SLC6A19: variants seen among roughly 807,000 people sequenced by gnomAD.
SLC6A19 encodes sodium-dependent neutral amino acid transporter B(0)AT1.
Under a neutral mutation model 68.3 loss-of-function variants are expected in SLC6A19, and 67 were observed. The ratio of observed to expected loss-of-function variants is 0.98; its 90% CI spans 0.81 to 1.20. SLC6A19 has a LOEUF of 1.20. SLC6A19 is among the 50% of genes most tolerant of loss of function. The probability of loss-of-function intolerance (pLI) is 0.00; values close to 1 mark genes in which losing one functional copy is unlikely to be tolerated. For missense variants in SLC6A19, 813 were observed against 851.6 expected (o/e 0.95, Z 0.56); for synonymous variants, 392 against 374.9 (o/e 1.05, Z -0.53).
rs560501791 is a variant in SLC6A19, at chr5:1,214,318, C to T, written c.887+253C>T. Among the ~76,000 whole-genome samples the T allele has an allele frequency of 9.9e-5, 15 of 152,268 alleles. No homozygotes were observed. The East Asian group carries it at 1.9e-3, about 20-fold the overall frequency. On this transcript the variant is annotated intron_variant, in intron 6 of 11. Coordinates refer to ENST00000304460, the MANE Select transcript of SLC6A19 (RefSeq NM_001003841.3). This position sits in a 1 kb window ranked among gnomAD's most constrained non-coding sequence, Gnocchi z 7.4. ...AGCTTTCCCCACACCCGTCCCTCCACGAGCCTGGTGCAGACCCCTCCTGTG... is the reference window on the plus strand; with the variant it reads ...AGCTTTCCCCACACCCGTCCCTCCATGAGCCTGGTGCAGACCCCTCCTGTG...
At chr5:1,207,540 C>T (rs937411383) in intron 1 of SLC6A19, among the ~76,000 whole-genome samples, 3 of 152,210 alleles carry the variant, frequency 2.0e-5, no homozygotes, top group African/African-American at 7.2e-5. Flanking sequence ...GTGTGAAATC[C>T]TTCTAAGCAT....
At position 1,214,192 on chromosome 5, in the gene SLC6A19, C is replaced by G. The variant is rs141038539; in HGVS notation, c.887+127C>G. On this transcript the variant is annotated intron_variant, in intron 6 of 11. Coordinates refer to ENST00000304460, the MANE Select transcript of SLC6A19 (RefSeq NM_001003841.3). This position sits in a 1 kb window ranked among gnomAD's most constrained non-coding sequence, Gnocchi z 7.4. ...CGGGGCCTTGCTGCCCCGATGGGCC[C>G]GTTCCCTCCTGCTCGGGGTCCATGT... 1.5e-5 allele frequency: 22 copies of G among 1,515,522 alleles called. No homozygotes were observed. Among genetic ancestry groups the G allele is most frequent in the Admixed American group, 2.0e-5 (1 of 50,064 alleles). The allele number at this position is 1,515,522 out of a possible 1,614,324, so 93.9% of individuals were successfully genotyped here. A position where few individuals can be genotyped will look rare whatever the true frequency, so the allele number is the denominator to read the frequency against.
rs1301659777 is a variant in SLC6A19, at chr5:1,221,804, T to C, written c.1805T>C (p.Ile602Thr). The change falls in exon 12 of 12, where the codon ATC (isoleucine) becomes ACC (threonine). Residue 602 changes from isoleucine to threonine, a missense_variant. Coordinates refer to ENST00000304460, the MANE Select transcript of SLC6A19 (RefSeq NM_001003841.3). Reference protein sequence around the residue: ...VPSLTIPGYAIYKLIRNHCQK... With the variant: ...VPSLTIPGYATYKLIRNHCQK... Reference sequence around the variant, plus strand: ...TCCCTCACCATCCCTGGCTATGCCATCTACAAGCTCATCAGGAACCACTGC... The same window carrying C: ...TCCCTCACCATCCCTGGCTATGCCACCTACAAGCTCATCAGGAACCACTGC... The C allele has an allele frequency of 1.2e-6, 2 of 1,614,198 alleles. No homozygotes were observed. Among genetic ancestry groups the C allele is most frequent in the Admixed American group, 3.3e-5 (2 of 60,022 alleles).
chr5:1,219,182 A>AG, intron 9 of SLC6A19, 75 bp downstream of exon 9: 1 of 1,390,104 alleles, frequency 7.2e-7, no homozygotes, highest in South Asian at 1.2e-5. Context: ...CTGTGTGAAC[A>AG]GCTCTGTCCC....
chr5:1,211,236 T>C (rs543272501), intron 3 of SLC6A19, among the ~76,000 whole-genome samples: 1 of 152,342 alleles, frequency 6.6e-6, no homozygotes, highest in African/African-American at 2.4e-5. Context: ...CCTCCCACGA[T>C]ACGTGCAACC....
In SLC6A19 at chr5:1,222,348, A is replaced by T; in HGVS notation, c.*444A>T. ...TATGTGTGAACACACACGTGTATAC[A>T]TGCATGCACATGTGCTCGTACAATG... On this transcript the variant is annotated 3_prime_UTR_variant, in exon 12 of 12. Transcript: ENST00000304460. The T allele has an allele frequency of 2.1e-6, 1 of 482,852 alleles. No individual in the cohort carries two copies. Among genetic ancestry groups the T allele is most frequent in the Non-Finnish European group, 3.6e-6 (1 of 276,494 alleles). The allele number at this position is 482,852 out of a possible 1,614,324, so 29.9% of individuals were successfully genotyped here. A position where few individuals can be genotyped will look rare whatever the true frequency, so the allele number is the denominator to read the frequency against.
At chr5:1,210,403 G>C (rs1482639527) in intron 2 of SLC6A19, 41 bp from the exon 3 acceptor site, 5 of 1,609,824 alleles carry the variant, frequency 3.1e-6, no homozygotes, top group Non-Finnish European at 4.2e-6. Flanking sequence ...CCAGTGGAGG[G>C]TGTGCCTCGG....
rs1396744846 is a variant in SLC6A19 at position 1,222,418 on chromosome 5, C to T, written c.*514C>T. On this transcript the variant is annotated 3_prime_UTR_variant, in exon 12 of 12. Transcript: ENST00000304460. ...ATATGTATATCTGTGAGTGTATATACATGCATGCAATTGTGTGTATGTGTG... is the reference window on the plus strand; with the variant it reads ...ATATGTATATCTGTGAGTGTATATATATGCATGCAATTGTGTGTATGTGTG... The T allele has an allele frequency of 2.2e-6, 1 of 446,784 alleles. No homozygotes were observed. Among genetic ancestry groups the T allele is most frequent in the African/African-American group, 2.0e-5 (1 of 51,180 alleles). The allele number at this position is 446,784 out of a possible 1,614,324, so 27.7% of individuals were successfully genotyped here.
Position 1,222,242 on chromosome 5 carries a change from A to C in SLC6A19, c.*338A>C. On this transcript the variant is annotated 3_prime_UTR_variant, in exon 12 of 12. Transcript: ENST00000304460. ...TGTGTGAGTGTGCAAGTGTGCATGC[A>C]TATACATGTGTGCGATATTTGCTGC... The C allele has an allele frequency of 1.7e-6, 1 of 574,678 alleles. No individual in the cohort carries two copies. 35.6% of individuals were successfully genotyped at this position (574,678 alleles called of 1,614,324 possible).
chr5:1,221,017 G>T, intron 10 of SLC6A19, 134 bp from the exon 11 acceptor site: 1 of 1,092,416 alleles, frequency 9.2e-7, no homozygotes, highest in Non-Finnish European at 1.3e-6. Flanking sequence ...CCAGGAGGGA[G>T]GGATCGGGCC....
intron 10 of SLC6A19, 71 bp downstream of exon 10, chr5:1,219,735 G>A: frequency 1.3e-6 from 2 of 1,592,636 alleles, no homozygotes; most frequent in South Asian, 1.1e-5. Context: ...CTGTGAGGGA[G>A]GACCCGGGCT....
In SLC6A19 at chr5:1,214,850, G is replaced by A. The variant is rs1336696431; in HGVS notation, c.887+785G>A. ...AGGGAGGGTGGGGCCTAGACTGGAC[G>A]GGGGCCTGGGTAGGGAGGGTGGGCC... is the stretch of plus-strand genomic sequence containing the variant. On this transcript the variant is annotated intron_variant, in intron 6 of 11. Transcript: ENST00000304460. The surrounding 1 kb of genome is among the most constrained non-coding windows in gnomAD (Gnocchi z 7.4). Among the ~76,000 whole-genome samples, 27 of 146,886 alleles carry A rather than the reference G, an allele frequency of 1.8e-4. No individual in the cohort carries two copies. The highest frequency in any genetic ancestry group is 3.5e-4 in the African/African-American group (14 of 40,418).
In SLC6A19 at chr5:1,215,161, G is replaced by A. The variant is rs1277751315; in HGVS notation, c.887+1096G>A. ...ACCCCTGGGCACTGCAGGCAGCTGG[G>A]GCAGGGCCAAGGCAGGATTGAGGAC... On this transcript the variant is annotated intron_variant, in intron 6 of 11. Coordinates refer to ENST00000304460, the MANE Select transcript of SLC6A19 (RefSeq NM_001003841.3). This position sits in a 1 kb window ranked among gnomAD's most constrained non-coding sequence, Gnocchi z 5.1. Among the ~76,000 whole-genome samples the A allele has an allele frequency of 2.6e-5, 4 of 152,132 alleles. No homozygotes were observed. The highest frequency in any genetic ancestry group is 4.8e-5 in the African/African-American group (2 of 41,412).
In SLC6A19 at chr5:1,213,584, G is replaced by C. The variant is rs755883163; in HGVS notation, c.774+11G>C. ...CTCTTCACGCCCAACGTAAGTCCCC[G>C]AGGCTGCCCTGGGCCCAGACCCCGG... On this transcript the variant is annotated intron_variant, in intron 5 of 11. Transcript: ENST00000304460. 12 of 1,609,648 alleles carry C rather than the reference G, an allele frequency of 7.5e-6. No homozygotes were observed. Among genetic ancestry groups the C allele is most frequent in the Non-Finnish European group, 1.0e-5 (12 of 1,178,178 alleles).
rs375991947 is a variant in SLC6A19, at chr5:1,221,842, G to A, written c.1843G>A (p.Asp615Asn). Reference sequence around the variant, plus strand: ...CAGGAACCACTGCCAGAAGCCAGGGGACCATCAGGGGCTGGTGAGCACACT... The same window carrying A: ...CAGGAACCACTGCCAGAAGCCAGGGAACCATCAGGGGCTGGTGAGCACACT... Reference protein sequence around the residue: ...LIRNHCQKPGDHQGLVSTLST... With the variant: ...LIRNHCQKPGNHQGLVSTLST... Residue 615 changes from aspartate (D) to asparagine (N), a missense_variant, in exon 12 of 12, where the codon GAC becomes AAC. Transcript: ENST00000304460. The A allele has an allele frequency of 6.8e-6, 11 of 1,614,214 alleles. 1 individual carries two copies. In the Middle Eastern group the frequency reaches 6.6e-4, roughly 97 times the overall value.
chr5:1,223,311 T>C lies in SLC6A19; in HGVS notation c.*1407T>C, dbSNP rs1182763976. ...CATTTTCTTAAGAGGACATGAGCTGTGTGAATTTTTAGCCAGCCTTTGGAA... is the reference window on the plus strand; with the variant it reads ...CATTTTCTTAAGAGGACATGAGCTGCGTGAATTTTTAGCCAGCCTTTGGAA... On this transcript the variant is annotated 3_prime_UTR_variant, in exon 12 of 12. Coordinates refer to ENST00000304460, the MANE Select transcript of SLC6A19 (RefSeq NM_001003841.3). The C allele has an allele frequency of 6.6e-6, 1 of 152,246 alleles. No individual in the cohort carries two copies. The highest frequency in any genetic ancestry group is 1.5e-5 in the Non-Finnish European group (1 of 68,038). 9.4% of individuals were successfully genotyped at this position (152,246 alleles called of 1,614,324 possible).
At position 1,223,936 on chromosome 5, in the gene SLC6A19, C is replaced by T. The variant is rs7733011; in HGVS notation, c.*2032C>T. The T allele has an allele frequency of 0.92, 140,496 of 152,326 alleles. 65,195 individuals carry two copies. The highest frequency in any genetic ancestry group is 0.95 in the Non-Finnish European group (64,809 of 68,066). 9.4% of individuals were successfully genotyped at this position (152,326 alleles called of 1,614,324 possible). On this transcript the variant is annotated 3_prime_UTR_variant, in exon 12 of 12. Coordinates refer to ENST00000304460, the MANE Select transcript of SLC6A19 (RefSeq NM_001003841.3). ...CTGACTGTCACTGGGCCCTGGGATGCGCAAGACTCCACAGCAGCAGAGGTG... is the reference window on the plus strand; with the variant it reads ...CTGACTGTCACTGGGCCCTGGGATGTGCAAGACTCCACAGCAGCAGAGGTG...
In SLC6A19 at chr5:1,210,586, G is replaced by A. The variant is rs1310042097; in HGVS notation, c.481+5G>A. On this transcript the variant is annotated splice_donor_5th_base_variant and intron_variant, in intron 3 of 11. Transcript: ENST00000304460. ...CGCTCAACGAGAACCAGACAGGTGA[G>A]TCCTTGCAAGCAGCCCCATCCGTCT... is the stretch of plus-strand genomic sequence containing the variant. 6.2e-7 allele frequency: 1 copy of A among 1,612,370 alleles called. No individual in the cohort carries two copies. Among genetic ancestry groups the A allele is most frequent in the Non-Finnish European group, 8.5e-7 (1 of 1,180,006 alleles).
rs966225632 is a variant in SLC6A19, at chr5:1,213,923, T to A, written c.775-30T>A. ...GGTCCCCATGGCCCCATCTGCACCA[T>A]GAGTGGCTGAGGGTCTCCATGTGGC... is the stretch of plus-strand genomic sequence containing the variant. On this transcript the variant is annotated intron_variant, in intron 5 of 11. Transcript: ENST00000304460. 1.4e-5 allele frequency: 23 copies of A among 1,611,282 alleles called. No homozygotes were observed. The African/African-American group carries it at 2.7e-4, about 19-fold the overall frequency.
Sources: gnomAD v4.1 joint callset for allele counts (sites outside exome capture counted in the v4.1 genomes callset) on GRCh38, gnomAD v4.1.1 for gene constraint, Gnocchi (gnomAD v3.1) non-coding constraint, MANE v1.5 for transcripts, NCBI Gene and HGNC (gene_info 2026-07-23, HGNC 2026-07-21) for gene names.